ADAMTS6: variants seen among roughly 807,000 people sequenced by gnomAD.
ADAMTS6 encodes ADAM metallopeptidase with thrombospondin type 1 motif 6.
In ADAMTS6, 23 loss-of-function variants were observed where a neutral mutation model predicts 144.3. That is an observed-to-expected ratio of 0.16 (90% CI 0.11 to 0.23). The LOEUF (loss-of-function observed/expected upper bound fraction) is 0.23, where lower values mean the gene tolerates loss of function less well. Among genes scored for constraint, ADAMTS6 ranks in the 10% least tolerant of loss-of-function variants. ADAMTS6 has a pLI of 1.00. For synonymous variants in ADAMTS6, 444 were observed against 457.5 expected (o/e 0.97, Z 0.38); for missense variants, 999 against 1,379.6 (o/e 0.72, Z 4.37).
intron 24 of ADAMTS6, among the ~76,000 whole-genome samples, chr5:65,155,578 A>C (rs904529294): frequency 3.3e-5 from 5 of 152,336 alleles, no homozygotes; most frequent in African/African-American, 1.2e-4. Context: ...TCTGTTGTTG[A>C]CCAAAACATC....
At chr5:65,473,484 A>G (rs1453081337) in intron 2 of ADAMTS6, 93 bp downstream of exon 2, 1 of 1,143,996 alleles carries the variant, frequency 8.7e-7, no homozygotes, top group Admixed American at 2.0e-5. Context: ...ACATATCCCA[A>G]AAAAAACTAT....
chr5:65,201,530 G>A (rs1401268053), intron 20 of ADAMTS6, among the ~76,000 whole-genome samples: 1 of 152,124 alleles, frequency 6.6e-6, no homozygotes, highest in Non-Finnish European at 1.5e-5. Flanking sequence ...GGGTGGTTAA[G>A]GGCAGGAGAA....
intron 3 of ADAMTS6, among the ~76,000 whole-genome samples, chr5:65,462,648 T>G (rs147900188): frequency 6.6e-6 from 1 of 152,306 alleles, no homozygotes; most frequent in African/African-American, 2.4e-5. Flanking sequence ...GGGCTGTTTC[T>G]GTATTTATTT....
chr5:65,353,410 C>T (rs868702577), intron 7 of ADAMTS6, among the ~76,000 whole-genome samples: 10 of 152,052 alleles, frequency 6.6e-5, no homozygotes, highest in Middle Eastern at 3.4e-3. Context: ...ATTTTGAAAA[C>T]AGTCTAGTGT....
At chr5:65,212,569 T>G (rs1756619490) in intron 20 of ADAMTS6, among the ~76,000 whole-genome samples, 1 of 152,122 alleles carries the variant, frequency 6.6e-6, no homozygotes, top group Admixed American at 6.5e-5. Context: ...CCAAATTCAG[T>G]TCTCATGGCC....
intron 7 of ADAMTS6, among the ~76,000 whole-genome samples, chr5:65,388,973 C>T (rs1256001864): frequency 1.3e-5 from 2 of 152,010 alleles, no homozygotes; most frequent in Non-Finnish European, 2.9e-5. Flanking sequence ...TTTGGGAGGC[C>T]GAGGTGGGCG....
intron 8 of ADAMTS6, among the ~76,000 whole-genome samples, chr5:65,332,100 A>T (rs1240693422): frequency 6.6e-6 from 1 of 151,710 alleles, no homozygotes; most frequent in African/African-American, 2.4e-5. Context: ...ACTAGGCAGT[A>T]CTCAAAATAC....
chr5:65,236,634 T>G (rs1273963102), intron 15 of ADAMTS6, among the ~76,000 whole-genome samples: 2 of 152,082 alleles, frequency 1.3e-5, no homozygotes, highest in Non-Finnish European at 1.5e-5. Context: ...CAACAAGAAA[T>G]TCTAGAAAAT....
At chr5:65,200,711 CTGTA>C (rs1048299958) in intron 20 of ADAMTS6, among the ~76,000 whole-genome samples, 2 of 151,896 alleles carry the variant, frequency 1.3e-5, no homozygotes, top group African/African-American at 4.8e-5. Context: ...GGCATGCAAA[CTGTA>C]TGTATATGTT....
At chr5:65,342,729 A>G (rs1747964282) in intron 7 of ADAMTS6, among the ~76,000 whole-genome samples, 2 of 152,160 alleles carry the variant, frequency 1.3e-5, no homozygotes. Flanking sequence ...GGGAAAGTTG[A>G]AGAGCATCCA....
intron 24 of ADAMTS6, among the ~76,000 whole-genome samples, chr5:65,155,425 A>G (rs549281955): frequency 2.0e-5 from 3 of 152,284 alleles, no homozygotes; most frequent in African/African-American, 7.2e-5. Context: ...TGGGCTACAA[A>G]CCTGCACAGC....
intron 7 of ADAMTS6, among the ~76,000 whole-genome samples, chr5:65,431,482 C>CTAATT (rs1186982517): frequency 6.6e-6 from 1 of 152,090 alleles, no homozygotes; most frequent in Non-Finnish European, 1.5e-5. Context: ...GTGTGTTTTG[C>CTAATT]TAATTTAGCC....
chr5:65,197,678 A>G (rs1755474958), intron 20 of ADAMTS6, among the ~76,000 whole-genome samples: 1 of 152,162 alleles, frequency 6.6e-6, no homozygotes, highest in East Asian at 1.9e-4. Flanking sequence ...TTATCTCTCT[A>G]AAAGCCCATT....
chr5:65,463,965 A>T (rs1437349679), intron 3 of ADAMTS6, among the ~76,000 whole-genome samples: 1 of 152,118 alleles, frequency 6.6e-6, no homozygotes, highest in Non-Finnish European at 1.5e-5. Flanking sequence ...TCCTTCCTCA[A>T]CAAACAAACA....
At chr5:65,256,627 A>T (rs2112569678) in intron 14 of ADAMTS6, 1 of 152,324 alleles carries the variant, frequency 6.6e-6, no homozygotes, top group South Asian at 2.1e-4. Flanking sequence ...TACAATCTGA[A>T]CATCTAACAT....
intron 24 of ADAMTS6, among the ~76,000 whole-genome samples, chr5:65,161,743 T>G (rs868218437): frequency 5.3e-5 from 8 of 152,226 alleles, no homozygotes; most frequent in Non-Finnish European, 1.2e-4. Context: ...ACAAATAGTT[T>G]CAGATATTTA....
Position 65,291,250 on chromosome 5 carries a change from TCATCGTAATTC to T in ADAMTS6, c.1512+68_1512+78del, listed in dbSNP as rs1742271223. ...AGATATTACTAGAGGGAACCGACAT[TCATCGTAATTC>T]CATCTTAACATCTGTGTCATGGAAG... On this transcript the variant is annotated intron_variant, in intron 11 of 24. Transcript: ENST00000381055. 2.7e-6 allele frequency: 4 copies of T among 1,492,108 alleles called. No homozygotes were observed. The East Asian group carries it at 9.3e-5, about 35-fold the overall frequency. The allele number at this position is 1,492,108 out of a possible 1,614,324, so 92.4% of individuals were successfully genotyped here. A position where few individuals can be genotyped will look rare whatever the true frequency, so the allele number is the denominator to read the frequency against.
intron 7 of ADAMTS6, among the ~76,000 whole-genome samples, chr5:65,395,768 C>T (rs1001811181): frequency 2.0e-5 from 3 of 152,060 alleles, no homozygotes; most frequent in African/African-American, 7.2e-5. Flanking sequence ...GTCCCATTTG[C>T]AACATTGAAA....
intron 18 of ADAMTS6, among the ~76,000 whole-genome samples, chr5:65,221,497 G>A (rs1328189099): frequency 2.6e-5 from 4 of 152,014 alleles, no homozygotes; most frequent in Non-Finnish European, 4.4e-5. Context: ...ACTGACAAAG[G>A]TCATTACATA....
Sources: gnomAD v4.1 joint callset for allele counts (sites outside exome capture counted in the v4.1 genomes callset) on GRCh38, gnomAD v4.1.1 for gene constraint, MANE v1.5 for transcripts, NCBI Gene and HGNC (gene_info 2026-07-23, HGNC 2026-07-21) for gene names.